COL16A1: variants seen among roughly 807,000 people sequenced by gnomAD.
The protein encoded by COL16A1 is collagen type XVI alpha 1 chain, also known as collagen alpha-1(XVI) chain.
A neutral mutation model predicts 266.3 loss-of-function variants in COL16A1; 189 were observed. The ratio of observed to expected loss-of-function variants is 0.71; its 90% CI spans 0.63 to 0.80. The LOEUF (loss-of-function observed/expected upper bound fraction) is 0.80, where lower values mean the gene tolerates loss of function less well. COL16A1 is among the 30% of genes least tolerant of loss of function. COL16A1 has a pLI of 0.00. For missense variants in COL16A1, 1,928 were observed against 2,122.4 expected (o/e 0.91, Z 1.80); for synonymous variants, 740 against 782.3 (o/e 0.95, Z 0.90).
intron 58 of COL16A1, 134 bp from the exon 59 acceptor site, chr1:31,661,838 CCT>C (rs1641697978): frequency 1.0e-6 from 1 of 964,620 alleles, no homozygotes; most frequent in African/African-American, 1.7e-5. Context: ...CCTGGCTCAG[CCT>C]CTGACTGGCT....
chr1:31,697,815 G>A lies in COL16A1; in HGVS notation c.657+91C>T. The stretch of plus-strand genomic sequence containing the variant: ...GGAAAGCAGGGGAAGATTCTAAGCA[G>A]GAGAAGGACTTGTTCCGATACGGAT... On this transcript the variant is annotated intron_variant, in intron 6 of 70. Coordinates refer to ENST00000373672, the MANE Select transcript of COL16A1 (RefSeq NM_001856.4). This position sits in a 1 kb window ranked among gnomAD's most constrained non-coding sequence, Gnocchi z 4.2. The A allele has an allele frequency of 7.0e-7, 1 of 1,429,434 alleles. No individual in the cohort carries two copies. The highest frequency in any genetic ancestry group is 9.4e-7 in the Non-Finnish European group (1 of 1,061,832). 88.5% of individuals were successfully genotyped at this position (1,429,434 alleles called of 1,614,324 possible).
At chr1:31,700,451 A>C (rs1476936205) in intron 2 of COL16A1, among the ~76,000 whole-genome samples, 1 of 152,228 alleles carries the variant, frequency 6.6e-6, no homozygotes, top group African/African-American at 2.4e-5. Context: ...GAATACACGA[A>C]GCTCTAGGTG....
In COL16A1 at chr1:31,663,715, T is replaced by A. The variant is rs1641886235; in HGVS notation, c.3556-1057A>T. Among the ~76,000 whole-genome samples, 1 of 152,186 alleles carries A rather than the reference T, an allele frequency of 6.6e-6. No individual in the cohort carries two copies. Among genetic ancestry groups the A allele is most frequent in the African/African-American group, 2.4e-5 (1 of 41,430 alleles). On this transcript the variant is annotated intron_variant, in intron 56 of 70. Coordinates refer to ENST00000373672, the MANE Select transcript of COL16A1 (RefSeq NM_001856.4). This position sits in a 1 kb window ranked among gnomAD's most constrained non-coding sequence, Gnocchi z 4.9. Reference sequence around the variant, plus strand: ...ATTGAGGTTTTTACATTTGCTTTTATGTGATAAAAAGACTCTGGGACTACA... The same window carrying A: ...ATTGAGGTTTTTACATTTGCTTTTAAGTGATAAAAAGACTCTGGGACTACA...
rs190593923 is a variant in COL16A1 at position 31,670,201 on chromosome 1, C to T, written c.3195+401G>A. ...CTTTCAGCAAATCTTCAGGCAACGC[C>T]GAAGGTGGTGAGAAGCAGGAGGCAG... On this transcript the variant is annotated intron_variant, in intron 49 of 70. Coordinates refer to ENST00000373672, the MANE Select transcript of COL16A1 (RefSeq NM_001856.4). This position sits in a 1 kb window ranked among gnomAD's most constrained non-coding sequence, Gnocchi z 4.5. 3.8e-4 allele frequency: 75 copies of T among 197,646 alleles called. No individual in the cohort carries two copies. In the East Asian group the frequency reaches 6.1e-3, roughly 16 times the overall value. The allele number at this position is 197,646 out of a possible 1,614,324, so 12.2% of individuals were successfully genotyped here.
chr1:31,668,711 A>T lies in COL16A1; in HGVS notation c.3249+91T>A. 1.4e-6 allele frequency: 2 copies of T among 1,423,432 alleles called. No homozygotes were observed. Among genetic ancestry groups the T allele is most frequent in the Non-Finnish European group, 2.0e-6 (2 of 1,009,182 alleles). 88.2% of individuals were successfully genotyped at this position (1,423,432 alleles called of 1,614,324 possible). A position where few individuals can be genotyped will look rare whatever the true frequency, so the allele number is the denominator to read the frequency against. ...TCAAGGAGTCCACCTCCCAGCTTCC[A>T]CTCAGCAGCCACCCTTCAGAGCTCA... On this transcript the variant is annotated intron_variant, in intron 50 of 70. Transcript: ENST00000373672. The surrounding 1 kb of genome is among the most constrained non-coding windows in gnomAD (Gnocchi z 5.8).
Position 31,689,045 on chromosome 1 carries a change from C to T in COL16A1, c.1656+5G>A, listed in dbSNP as rs1644130720. 6.2e-7 allele frequency: 1 copy of T among 1,613,830 alleles called. No individual in the cohort carries two copies. The highest frequency in any genetic ancestry group is 1.1e-5 in the South Asian group (1 of 91,084). ...AGGGCAGCCAGGAGAGCAGGGTTCCCTCACCTTCTCTCCTTTGATGCCTTG... is the reference window on the plus strand; with the variant it reads ...AGGGCAGCCAGGAGAGCAGGGTTCCTTCACCTTCTCTCCTTTGATGCCTTG... On this transcript the variant is annotated splice_donor_5th_base_variant and intron_variant, in intron 24 of 70. Coordinates refer to ENST00000373672, the MANE Select transcript of COL16A1 (RefSeq NM_001856.4).
At chr1:31,680,215 G>A (rs1489507099) in intron 39 of COL16A1, 114 bp from the exon 40 acceptor site, 15 of 1,466,252 alleles carry the variant, frequency 1.0e-5, no homozygotes, top group Non-Finnish European at 1.4e-5. Context: ...TTCAATCCAG[G>A]ATCTGCCTCT....
At position 31,697,480 on chromosome 1, in the gene COL16A1, GA is replaced by G. The variant is rs1283196835; in HGVS notation, c.658-181del. 6.6e-6 allele frequency among the ~76,000 whole-genome samples: 1 copy of G among 152,186 alleles called. No homozygotes were observed. The highest frequency in any genetic ancestry group is 1.5e-5 in the Non-Finnish European group (1 of 68,040). ...AGGCAGAACAAAACTGCGCACACAG[GA>G]ACGAGGGAGAGGAGGCCCAGAGGAA... On this transcript the variant is annotated intron_variant, in intron 6 of 70. Transcript: ENST00000373672. This position sits in a 1 kb window ranked among gnomAD's most constrained non-coding sequence, Gnocchi z 4.2.
In COL16A1 at chr1:31,685,615, G is replaced by A; in HGVS notation, c.2016+24C>T. On this transcript the variant is annotated intron_variant, in intron 29 of 70. Transcript: ENST00000373672. This position sits in a 1 kb window ranked among gnomAD's most constrained non-coding sequence, Gnocchi z 4.0. ...CCCCGCCTGCATCCCCCGTCCAGAG[G>A]CCCCTGCCTATATCCCACCTCACCT... The A allele has an allele frequency of 1.2e-6, 2 of 1,610,020 alleles. No individual in the cohort carries two copies. The highest frequency in any genetic ancestry group is 2.2e-5 in the East Asian group (1 of 44,756).
rs1403795330 is a variant in COL16A1, at chr1:31,664,700, G to A, written c.3555+472C>T. On this transcript the variant is annotated intron_variant, in intron 56 of 70. Coordinates refer to ENST00000373672, the MANE Select transcript of COL16A1 (RefSeq NM_001856.4). This position sits in a 1 kb window ranked among gnomAD's most constrained non-coding sequence, Gnocchi z 5.5. ...CACGGGCCACCCCTGCCCTCTCTGG[G>A]CCCTTGGGGACAACTGGAGCACGGC... 1.3e-5 allele frequency among the ~76,000 whole-genome samples: 2 copies of A among 152,148 alleles called. No individual in the cohort carries two copies. Among genetic ancestry groups the A allele is most frequent in the African/African-American group, 4.8e-5 (2 of 41,430 alleles).
chr1:31,692,645 G>A lies in COL16A1; in HGVS notation c.1114-3C>T, dbSNP rs775836261. The A allele has an allele frequency of 5.0e-5, 80 of 1,614,004 alleles. 1 individual carries two copies. The highest frequency in any genetic ancestry group is 2.5e-6 in the Non-Finnish European group (3 of 1,180,004). ...TCTCCCTTCGGGCCTTCTGCACACT[G>A]AACAGGGGAACACAGTGTTGAGAGG... On this transcript the variant is annotated splice_polypyrimidine_tract_variant and splice_region_variant and intron_variant, in intron 14 of 70. Coordinates refer to ENST00000373672, the MANE Select transcript of COL16A1 (RefSeq NM_001856.4).
chr1:31,684,055 G>A, intron 32 of COL16A1, 52 bp from the exon 33 acceptor site: 1 of 1,613,430 alleles, frequency 6.2e-7, no homozygotes, highest in Middle Eastern at 1.7e-4. Context: ...AGGGGGACAG[G>A]AGGGAGAGGA....
intron 42 of COL16A1, among the ~76,000 whole-genome samples, chr1:31,676,868 C>T (rs950497024): frequency 1.3e-5 from 2 of 152,182 alleles, no homozygotes; most frequent in South Asian, 4.1e-4. Context: ...ATTTCCTTGG[C>T]GCACTCTGAG....
rs1640708367 is a variant in COL16A1 at position 31,652,447 on chromosome 1, C to G, written c.*204G>C. 2 of 532,932 alleles carry G rather than the reference C, an allele frequency of 3.8e-6. No individual in the cohort carries two copies. The highest frequency in any genetic ancestry group is 8.8e-5 in the South Asian group (2 of 22,708). 33.0% of individuals were successfully genotyped at this position (532,932 alleles called of 1,614,324 possible). Reference sequence around the variant, plus strand: ...GGACTAAACGGGAAAAGGAGGGCAACAGGGAGCTCTGGCTGCAGCACCAGA... The same window carrying G: ...GGACTAAACGGGAAAAGGAGGGCAAGAGGGAGCTCTGGCTGCAGCACCAGA... On this transcript the variant is annotated 3_prime_UTR_variant, in exon 71 of 71. Transcript: ENST00000373672. The surrounding 1 kb of genome is among the most constrained non-coding windows in gnomAD (Gnocchi z 4.8).
chr1:31,683,784 T>A (rs1643822537), intron 33 of COL16A1, 36 bp from the exon 34 acceptor site: 1 of 1,613,650 alleles, frequency 6.2e-7, no homozygotes, highest in Admixed American at 1.7e-5. Context: ...GGCTCGAGGT[T>A]CCCCAGTCAC....
Position 31,685,713 on chromosome 1 carries a change from C to T in COL16A1, c.1942G>A (p.Val648Met), listed in dbSNP as rs770402947. ...LSNLQDGDVR[V>M]VALPGPSGEK... ...CCGGATGGGCCAGGCAAGGCCACCA[C>T]ACGGACATCCCCATCCTGAAGGTTG... The change falls in exon 29 of 71, where the codon GTG becomes ATG. Residue 648 changes from valine to methionine, a missense_variant. Physicochemically the swap from Val to Met is conservative, Grantham distance 21. Transcript: ENST00000373672. This position sits in a 1 kb window ranked among gnomAD's most constrained non-coding sequence, Gnocchi z 4.0. 5 of 1,614,014 alleles carry T rather than the reference C, an allele frequency of 3.1e-6. No homozygotes were observed. In the South Asian group the frequency reaches 4.4e-5, roughly 14 times the overall value.
chr1:31,697,813 CAGG>C lies in COL16A1; in HGVS notation c.657+90_657+92del. The C allele has an allele frequency of 1.9e-5, 27 of 1,416,326 alleles. No homozygotes were observed. The highest frequency in any genetic ancestry group is 2.5e-5 in the Non-Finnish European group (26 of 1,051,756). 87.7% of individuals were successfully genotyped at this position (1,416,326 alleles called of 1,614,324 possible). On this transcript the variant is annotated intron_variant, in intron 6 of 70. Coordinates refer to ENST00000373672, the MANE Select transcript of COL16A1 (RefSeq NM_001856.4). This position sits in a 1 kb window ranked among gnomAD's most constrained non-coding sequence, Gnocchi z 4.2. ...CAGGAAAGCAGGGGAAGATTCTAAG[CAGG>C]AGAAGGACTTGTTCCGATACGGATT...
chr1:31,696,813 G>T, intron 8 of COL16A1, 150 bp downstream of exon 8: 2 of 1,306,656 alleles, frequency 1.5e-6, no homozygotes, highest in East Asian at 2.5e-5. Context: ...AATCATTTAG[G>T]GGTGGCGTAC....
In COL16A1 at chr1:31,690,524, C is replaced by T. The variant is rs1644213304; in HGVS notation, c.1482+5G>A. Reference sequence around the variant, plus strand: ...ACCCTCCCCCGCTGGATTGGTGTCACTCACAGGTTTCCCACCAGGGCCTTC... The same window carrying T: ...ACCCTCCCCCGCTGGATTGGTGTCATTCACAGGTTTCCCACCAGGGCCTTC... On this transcript the variant is annotated splice_donor_5th_base_variant and intron_variant, in intron 21 of 70. Transcript: ENST00000373672. The T allele has an allele frequency of 6.2e-7, 1 of 1,614,036 alleles. No individual in the cohort carries two copies. Among genetic ancestry groups the T allele is most frequent in the Non-Finnish European group, 8.5e-7 (1 of 1,179,922 alleles).
Sources: gnomAD v4.1 joint callset for allele counts (sites outside exome capture counted in the v4.1 genomes callset) on GRCh38, gnomAD v4.1.1 for gene constraint, Gnocchi (gnomAD v3.1) non-coding constraint, MANE v1.5 for transcripts, NCBI Gene and HGNC (gene_info 2026-07-23, HGNC 2026-07-21) for gene names.